The following KDSR variants were observed in gnomAD, a reference collection of about 807,000 sequenced individuals.
The protein encoded by KDSR is 3-ketodihydrosphingosine reductase.
A neutral mutation model predicts 41.3 loss-of-function variants in KDSR; 23 were observed. The ratio of observed to expected loss-of-function variants is 0.56; its 90% confidence interval spans 0.40 to 0.79. The LOEUF is 0.79. KDSR is among the 30% of genes least tolerant of loss of function. The pLI, the probability that KDSR is intolerant of heterozygous loss-of-function variation, is 0.00. For missense variants in KDSR, 351 were observed against 416.8 expected, an observed-to-expected ratio of 0.84 and a Z score of 1.37; for synonymous variants, 138 against 151.7, an observed-to-expected ratio of 0.91 and a Z score of 0.66.
intron 7 of KDSR, among the ~76,000 whole-genome samples, chr18:63,339,236 T>C (rs139226249): frequency 2.6e-5 from 4 of 151,814 alleles, no homozygotes; most frequent in Non-Finnish European, 4.4e-5. Flanking sequence ...TGAATGATGG[T>C]GCTTTTCTGT....
At chr18:63,337,743 A>C (rs567081822) in intron 8 of KDSR, among the ~76,000 whole-genome samples, 7 of 152,146 alleles carry the variant, frequency 4.6e-5, no homozygotes, top group African/African-American at 1.4e-4. Context: ...CCTGGCCAAC[A>C]TGGTGAAGCC....
intron 9 of KDSR, among the ~76,000 whole-genome samples, chr18:63,332,598 G>A (rs935515999): frequency 2.6e-4 from 40 of 152,142 alleles, no homozygotes; most frequent in Non-Finnish European, 5.0e-4. Flanking sequence ...TTGGGAGGCC[G>A]AGGCGGGTGG....
intron 7 of KDSR, 48 bp downstream of exon 7, chr18:63,344,362 A>C: frequency 7.8e-7 from 1 of 1,279,488 alleles, no homozygotes; most frequent in Non-Finnish European, 1.1e-6. Flanking sequence ...GAAAATCAGA[A>C]AAGCAGTAAA....
chr18:63,349,959 C>G (rs942969111), intron 6 of KDSR, among the ~76,000 whole-genome samples: 3 of 152,130 alleles, frequency 2.0e-5, no homozygotes, highest in Admixed American at 1.3e-4. Context: ...TTCTGTCAAC[C>G]CCTGATCTAA....
chr18:63,359,885 G>A, intron 2 of KDSR, 93 bp from the exon 3 acceptor site: 3 of 845,534 alleles, frequency 3.5e-6, no homozygotes, highest in East Asian at 4.9e-5. Context: ...ATTTCTATAT[G>A]TATGTATTAA....
chr18:63,341,095 T>C (rs962772743), intron 7 of KDSR, among the ~76,000 whole-genome samples: 11 of 152,290 alleles, frequency 7.2e-5, no homozygotes, highest in African/African-American at 2.6e-4. Context: ...AGATTTACAA[T>C]TGGCATTTTA....
intron 1 of KDSR, among the ~76,000 whole-genome samples, chr18:63,364,708 T>C (rs1265824594): frequency 6.6e-6 from 1 of 152,198 alleles, no homozygotes; most frequent in Non-Finnish European, 1.5e-5. Context: ...CCTCCCAAAG[T>C]GCTGGGATTA....
chr18:63,349,529 ATAT>A (rs1914603896), intron 6 of KDSR, among the ~76,000 whole-genome samples: 1 of 152,272 alleles, frequency 6.6e-6, no homozygotes, highest in Admixed American at 6.5e-5. Context: ...TTATCACGAT[ATAT>A]TATTAAGAGT....
At chr18:63,341,911 C>T (rs1029357697) in intron 7 of KDSR, among the ~76,000 whole-genome samples, 1 of 152,082 alleles carries the variant, frequency 6.6e-6, no homozygotes, top group Non-Finnish European at 1.5e-5. Context: ...GGCACAGTGG[C>T]TTATGCCTGT....
At chr18:63,355,680 C>A in intron 3 of KDSR, 117 bp from the exon 4 acceptor site, 1 of 1,348,338 alleles carries the variant, frequency 7.4e-7, no homozygotes, top group South Asian at 1.7e-5. Flanking sequence ...ATTGAATGAA[C>A]AGATTTCAGT....
chr18:63,361,017 A>ATATATTATATATAAAATATATATAT (rs761703297), intron 2 of KDSR, among the ~76,000 whole-genome samples: 7 of 106,858 alleles, frequency 6.6e-5, no homozygotes, highest in Admixed American at 5.8e-4. Context: ...TATATATATA[A>ATATATTATATATAAAATATATATAT]AATATATAAT....
intron 9 of KDSR, among the ~76,000 whole-genome samples, chr18:63,333,024 A>G (rs1914056267): frequency 6.6e-6 from 1 of 152,074 alleles, no homozygotes; most frequent in Admixed American, 6.6e-5. Flanking sequence ...GAAAGAAAAA[A>G]AAGAGCCTGG....
chr18:63,328,767 C>A lies in KDSR; in HGVS notation c.*3015G>T, dbSNP rs1256361392. 1 of 182,108 alleles carries A rather than the reference C, an allele frequency of 5.5e-6. No homozygotes were observed. Among genetic ancestry groups the A allele is most frequent in the African/African-American group, 2.4e-5 (1 of 42,456 alleles). The allele number at this position is 182,108 out of a possible 1,614,324, so 11.3% of individuals were successfully genotyped here. On this transcript the variant is annotated 3_prime_UTR_variant, in exon 10 of 10. Coordinates refer to ENST00000645214, the MANE Select transcript of KDSR (RefSeq NM_002035.4). ...CTATATATTTTTCAATTATGAAGTC[C>A]TTGAACATATTTGGGGATTTTTATG... is the stretch of plus-strand genomic sequence containing the variant.
At chr18:63,362,940 C>A in intron 1 of KDSR, 72 bp from the exon 2 acceptor site, 1 of 919,584 alleles carries the variant, frequency 1.1e-6, no homozygotes, top group African/African-American at 1.7e-5. Context: ...TAAAAAACAA[C>A]TATGACAGGC....
intron 9 of KDSR, among the ~76,000 whole-genome samples, chr18:63,332,894 A>C (rs1377478347): frequency 6.6e-6 from 1 of 151,670 alleles, no homozygotes; most frequent in Non-Finnish European, 1.5e-5. Flanking sequence ...CTACACCCTC[A>C]GAGCACTGAA....
chr18:63,367,200 G>A lies in KDSR; in HGVS notation c.-82C>T, dbSNP rs1214713298. Reference sequence around the variant, plus strand: ...GCAGGGCTGGGCTGCGGCGAGGCGAGAATCACGCGCGGCGGGCGGGCGCCT... The same window carrying A: ...GCAGGGCTGGGCTGCGGCGAGGCGAAAATCACGCGCGGCGGGCGGGCGCCT... On this transcript the variant is annotated 5_prime_UTR_variant, in exon 1 of 10. Transcript: ENST00000645214. The A allele has an allele frequency of 4.5e-6, 3 of 668,066 alleles. No individual in the cohort carries two copies. Among genetic ancestry groups the A allele is most frequent in the Admixed American group, 9.3e-5 (2 of 21,494 alleles). The allele number at this position is 668,066 out of a possible 1,614,324, so 41.4% of individuals were successfully genotyped here. A position where few individuals can be genotyped will look rare whatever the true frequency, so the allele number is the denominator to read the frequency against.
intron 9 of KDSR, among the ~76,000 whole-genome samples, chr18:63,333,824 C>T (rs758457173): frequency 7.2e-5 from 11 of 152,180 alleles, no homozygotes; most frequent in East Asian, 1.9e-4. Flanking sequence ...GGGCCTGCTG[C>T]GGCAACCCAG....
chr18:63,348,363 A>G (rs1183739768), intron 6 of KDSR, among the ~76,000 whole-genome samples: 6 of 151,920 alleles, frequency 3.9e-5, no homozygotes, highest in Non-Finnish European at 5.9e-5. Flanking sequence ...GAGCAATTAC[A>G]TAAGATTTCA....
chr18:63,350,266 A>G (rs1176485591), intron 6 of KDSR, among the ~76,000 whole-genome samples: 1 of 152,252 alleles, frequency 6.6e-6, no homozygotes, highest in African/African-American at 2.4e-5. Context: ...GACAGACGCT[A>G]TTTTGATGCA....
Sources: allele counts gnomAD v4.1 joint callset (sites outside exome capture counted in the v4.1 genomes callset), GRCh38; gene constraint gnomAD v4.1.1; transcripts MANE v1.5; gene names NCBI Gene and HGNC (gene_info 2026-07-23, HGNC 2026-07-21).